Variants in IQSEC3 observed in about 807,000 individuals in gnomAD.
IQSEC3 encodes IQ motif and Sec7 domain ArfGEF 3, also known as IQ motif and SEC7 domain-containing protein 3.
In IQSEC3, 50 loss-of-function variants were observed where a neutral mutation model predicts 105.4. That is an observed-to-expected ratio of 0.47 (90% CI 0.38 to 0.60). The LOEUF (loss-of-function observed/expected upper bound fraction) is 0.60. IQSEC3 is among the 20% of genes least tolerant of loss of function. The pLI is 0.00. For synonymous variants in IQSEC3, 708 were observed against 746.0 expected, an observed-to-expected ratio of 0.95 and a Z score of 0.83; for missense variants, 1,415 against 1,630.0, an observed-to-expected ratio of 0.87 and a Z score of 2.27.
intron 2 of IQSEC3, among the ~76,000 whole-genome samples, chr12:117,659 A>C (rs1865092134): frequency 6.6e-6 from 1 of 152,080 alleles, no homozygotes; most frequent in East Asian, 1.9e-4. Context: ...TGACAGGAAC[A>C]CTCTAGAGAC....
intron 13 of IQSEC3, among the ~76,000 whole-genome samples, 158 bp from the exon 14 acceptor site, chr12:174,441 G>A (rs1939163737): frequency 6.6e-6 from 1 of 152,112 alleles, no homozygotes; most frequent in Admixed American, 6.5e-5. Context: ...AAAAGCCAGG[G>A]TCGCAACCCA....
Position 171,130 on chromosome 12 carries a change from T to C in IQSEC3, c.3083T>C (p.Leu1028Pro). ...TTCAAAGCCAAAAGGGAAGCCGCGC[T>C]CAGGGAGAGGCCGGCGGAGAGCACG... ...GSPTAKREAA[L>P]RERPAESTVE... Residue 1028 changes from leucine to proline, a missense_variant, in exon 13 of 14, where the codon CTC becomes CCC. This residue lies in a region of IQSEC3 where 419 missense variants were observed against 436.2 expected (regional missense o/e 0.96). Coordinates refer to ENST00000538872, the MANE Select transcript of IQSEC3 (RefSeq NM_001170738.2). The C allele has an allele frequency of 6.2e-7, 1 of 1,614,050 alleles. No individual in the cohort carries two copies. Among genetic ancestry groups the C allele is most frequent in the South Asian group, 1.1e-5 (1 of 91,074 alleles).
intron 1 of IQSEC3, among the ~76,000 whole-genome samples, chr12:76,954 C>A (rs1289654643): frequency 1.2e-4 from 18 of 152,246 alleles, no homozygotes; most frequent in Non-Finnish European, 2.1e-4. Context: ...GGCAGAGAGA[C>A]AAGGGAGTTC....
intron 12 of IQSEC3, among the ~76,000 whole-genome samples, chr12:170,151 G>C (rs563113985): frequency 6.6e-6 from 1 of 152,212 alleles, no homozygotes; most frequent in African/African-American, 2.4e-5. Context: ...TCCTGTATGG[G>C]TTTGACCTGC....
intron 3 of IQSEC3, among the ~76,000 whole-genome samples, chr12:137,054 C>T (rs562041908): frequency 6.6e-6 from 1 of 152,118 alleles, no homozygotes; most frequent in African/African-American, 2.4e-5. Flanking sequence ...CCCACCCAGC[C>T]CTGCCCTGGT....
At chr12:108,229 A>G (rs1864748416) in intron 2 of IQSEC3, among the ~76,000 whole-genome samples, 2 of 152,192 alleles carry the variant, frequency 1.3e-5, no homozygotes, top group Admixed American at 1.3e-4. Flanking sequence ...TTTCCCATAT[A>G]CCAATTCTTT....
chr12:165,605 G>A, intron 10 of IQSEC3, 72 bp downstream of exon 10: 1 of 1,568,692 alleles, frequency 6.4e-7, no homozygotes. Flanking sequence ...CGAGTTGAGG[G>A]AGAAGGGCTG....
chr12:95,647 A>ATAGAG, intron 1 of IQSEC3, among the ~76,000 whole-genome samples: 1 of 152,324 alleles, frequency 6.6e-6, no homozygotes, highest in Non-Finnish European at 1.5e-5. Context: ...TCATATATAA[A>ATAGAG]TAGAGTACAC....
chr12:151,975 C>T (rs1381152296), intron 5 of IQSEC3, among the ~76,000 whole-genome samples: 5 of 152,060 alleles, frequency 3.3e-5, no homozygotes. Flanking sequence ...CTGGAACCGT[C>T]GTTTCCCTAC....
intron 3 of IQSEC3, among the ~76,000 whole-genome samples, chr12:126,544 GGTGTGTGT>G (rs56871643): frequency 2.1e-5 from 3 of 145,732 alleles, no homozygotes; most frequent in African/African-American, 7.7e-5. Flanking sequence ...CTTGATGGAA[GGTGTGTGT>G]GTGTGTGTGT....
At chr12:156,951 G>C in intron 5 of IQSEC3, 74 bp from the exon 6 acceptor site, 1 of 1,427,776 alleles carries the variant, frequency 7.0e-7, no homozygotes, top group Admixed American at 2.7e-5. Flanking sequence ...GCTGGGAACA[G>C]AGGCCAGCGA....
In IQSEC3 at chr12:176,586, T is replaced by C. The variant is rs1225471172; in HGVS notation, c.*1553T>C. On this transcript the variant is annotated 3_prime_UTR_variant, in exon 14 of 14. Transcript: ENST00000538872. This position sits in a 1 kb window ranked among gnomAD's most constrained non-coding sequence, Gnocchi z 4.0. ...CAGGTAGGAGGCAAGGATCATTCCCTGCTCCCAGAGGTTCCAGATGACCTA... is the reference window on the plus strand; with the variant it reads ...CAGGTAGGAGGCAAGGATCATTCCCCGCTCCCAGAGGTTCCAGATGACCTA... The C allele has an allele frequency of 6.6e-6, 1 of 152,276 alleles. No individual in the cohort carries two copies. Among genetic ancestry groups the C allele is most frequent in the African/African-American group, 2.4e-5 (1 of 41,444 alleles). The allele number at this position is 152,276 out of a possible 1,614,324, so 9.4% of individuals were successfully genotyped here.
At chr12:67,679 G>A (rs1453546950) in intron 1 of IQSEC3, among the ~76,000 whole-genome samples, 1 of 141,422 alleles carries the variant, frequency 7.1e-6, no homozygotes, top group Non-Finnish European at 1.5e-5. Flanking sequence ...AGCAAAGGAG[G>A]AAGGAGGTGG....
chr12:124,668 C>T (rs1865326754), intron 2 of IQSEC3, among the ~76,000 whole-genome samples: 2 of 152,238 alleles, frequency 1.3e-5, no homozygotes, highest in Non-Finnish European at 2.9e-5. Context: ...CTAAGGACAG[C>T]TCCTAGTGTT....
intron 1 of IQSEC3, among the ~76,000 whole-genome samples, chr12:96,688 A>C (rs1310188849): frequency 6.6e-6 from 1 of 152,180 alleles, no homozygotes; most frequent in Non-Finnish European, 1.5e-5. Flanking sequence ...GAGCTCTGTT[A>C]AGACTGTTTT....
chr12:135,770 C>G (rs1479745155), intron 3 of IQSEC3, among the ~76,000 whole-genome samples: 1 of 152,220 alleles, frequency 6.6e-6, no homozygotes, highest in African/African-American at 2.4e-5. Context: ...CAGGCAACCT[C>G]TAGTGACTGA....
At chr12:93,611 A>G (rs1864159436) in intron 1 of IQSEC3, among the ~76,000 whole-genome samples, 1 of 152,248 alleles carries the variant, frequency 6.6e-6, no homozygotes, top group African/African-American at 2.4e-5. Flanking sequence ...CCACGGTCTC[A>G]GTATGGCTCC....
At chr12:89,841 A>G (rs1245232995) in intron 1 of IQSEC3, among the ~76,000 whole-genome samples, 3 of 152,162 alleles carry the variant, frequency 2.0e-5, no homozygotes, top group Non-Finnish European at 4.4e-5. Flanking sequence ...TCCATTTGCC[A>G]GTTAGTGGAC....
intron 7 of IQSEC3, among the ~76,000 whole-genome samples, chr12:160,433 T>TATTTTA (rs1866848575): frequency 3.9e-5 from 6 of 152,216 alleles, no homozygotes; most frequent in Admixed American, 3.9e-4. Flanking sequence ...AAGATAAATG[T>TATTTTA]TCAATCTGTT....
Sources: gnomAD v4.1 joint callset for allele counts (sites outside exome capture counted in the v4.1 genomes callset) on GRCh38, gnomAD v4.1.1 for gene constraint, gnomAD v4.1.1 regional missense constraint, Gnocchi (gnomAD v3.1) non-coding constraint, MANE v1.5 for transcripts, NCBI Gene and HGNC (gene_info 2026-07-23, HGNC 2026-07-21) for gene names.